EMX1: variants seen among roughly 807,000 people sequenced by gnomAD.
EMX1 encodes homeobox protein EMX1.
A neutral mutation model predicts 20.1 loss-of-function variants in EMX1; 10 were observed. The observed-to-expected ratio is 0.50, with a 90% CI of 0.31 to 0.84. EMX1 has a LOEUF of 0.84. EMX1 is among the 40% of genes least tolerant of loss of function. The pLI is 0.05. For missense variants in EMX1, 424 were observed against 431.9 expected (o/e 0.98, Z 0.16); for synonymous variants, 250 against 200.4 (o/e 1.25, Z -2.09).
chr2:72,917,881 AGGC>A lies in EMX1; in HGVS notation c.37_39del (p.Ala13del). ...TGCCTGGCTGGGTGCACACCCCGCA[AGGC>A]GGCGGCGCCAGGACGCGGAGCGCTC... On this transcript the variant is annotated inframe_deletion, in exon 1 of 3. Coordinates refer to ENST00000258106, the MANE Select transcript of EMX1 (RefSeq NM_004097.3). The A allele has an allele frequency of 1.4e-6, 2 of 1,478,458 alleles. No individual in the cohort carries two copies. Among genetic ancestry groups the A allele is most frequent in the Non-Finnish European group, 1.8e-6 (2 of 1,122,126 alleles). 91.6% of individuals were successfully genotyped at this position (1,478,458 alleles called of 1,614,324 possible).
Position 72,924,504 on chromosome 2 carries a change from C to T in EMX1, c.705+11C>T. ...CTCTCCGAGACGCAGGTAATCACCC[C>T]CGGTCGCGGCCTGCCCTGCGCCCGG... is the stretch of plus-strand genomic sequence containing the variant. On this transcript the variant is annotated intron_variant, in intron 2 of 2. Transcript: ENST00000258106. 6.4e-7 allele frequency: 1 copy of T among 1,565,798 alleles called. No individual in the cohort carries two copies. The highest frequency in any genetic ancestry group is 8.6e-7 in the Non-Finnish European group (1 of 1,160,746).
At chr2:72,929,683 G>A (rs907181596) in intron 2 of EMX1, among the ~76,000 whole-genome samples, 2 of 152,166 alleles carry the variant, frequency 1.3e-5, no homozygotes, top group Non-Finnish European at 2.9e-5. Flanking sequence ...GAAAAAGAAG[G>A]GATCCAGACC....
intron 1 of EMX1, 87 bp from the exon 2 acceptor site, chr2:72,924,222 G>C (rs774805618): frequency 2.7e-6 from 4 of 1,492,644 alleles, no homozygotes; most frequent in South Asian, 2.4e-5. Flanking sequence ...AGCAGGGCGC[G>C]AGGCCAGGCT....
In EMX1 at chr2:72,930,450, C is replaced by G. The variant is rs561324416; in HGVS notation, c.706-3337C>G. Among the ~76,000 whole-genome samples the G allele has an allele frequency of 2.6e-4, 40 of 152,222 alleles. 1 individual carries two copies. The highest frequency in any genetic ancestry group is 8.3e-4 in the South Asian group (4 of 4,818). ...AATGGAGACTTTTGGAAGGATGTGG[C>G]CTCTGAGAAACTGAGATGTTCACTT... On this transcript the variant is annotated intron_variant, in intron 2 of 2. Coordinates refer to ENST00000258106, the MANE Select transcript of EMX1 (RefSeq NM_004097.3). This position sits in a 1 kb window ranked among gnomAD's most constrained non-coding sequence, Gnocchi z 4.4.
At chr2:72,933,582 T>C in intron 2 of EMX1, 1 of 606,824 alleles carries the variant, frequency 1.6e-6, no homozygotes, top group Non-Finnish European at 2.9e-6. Context: ...GCCCACTGTG[T>C]CCTCTTCCTG....
At chr2:72,931,644 C>T (rs1191526730) in intron 2 of EMX1, among the ~76,000 whole-genome samples, 3 of 152,246 alleles carry the variant, frequency 2.0e-5, no homozygotes, top group Non-Finnish European at 4.4e-5. Flanking sequence ...AGTCCAGCAG[C>T]CTGTGCCCAG....
chr2:72,916,616 T>G, upstream of EMX1: 8 of 670,018 alleles, frequency 1.2e-5, no homozygotes, highest in Middle Eastern at 2.6e-4. Flanking sequence ...CGGTCGCGGG[T>G]GGAAGGTGAA....
In EMX1 at chr2:72,918,306, C is replaced by T; in HGVS notation, c.454C>T (p.His152Tyr). ...CCCGCACTCCTTCTTCGGCGCCCAGCACCGGGACCCTCTCCATTTCTACCC... is the reference window on the plus strand; with the variant it reads ...CCCGCACTCCTTCTTCGGCGCCCAGTACCGGGACCCTCTCCATTTCTACCC... Reference protein sequence around the residue: ...QPPHSFFGAQHRDPLHFYPWV... With the variant: ...QPPHSFFGAQYRDPLHFYPWV... Residue 152 changes from histidine (H) to tyrosine (Y), a missense_variant, in exon 1 of 3, where the codon CAC becomes TAC. This residue lies in a region of EMX1 where 333 missense variants were observed against 296.6 expected (regional missense o/e 1.12). Coordinates refer to ENST00000258106, the MANE Select transcript of EMX1 (RefSeq NM_004097.3). The T allele has an allele frequency of 6.4e-7, 1 of 1,570,300 alleles. No individual in the cohort carries two copies. The highest frequency in any genetic ancestry group is 8.6e-7 in the Non-Finnish European group (1 of 1,169,332).
chr2:72,924,320 C>T lies in EMX1; in HGVS notation c.532C>T (p.Pro178Ser), dbSNP rs1395341312. 1.3e-6 allele frequency: 2 copies of T among 1,569,072 alleles called. No homozygotes were observed. Among genetic ancestry groups the T allele is most frequent in the African/African-American group, 2.7e-5 (2 of 74,588 alleles). ...CGGCGGGGCCGCAGCCAGCGACGTG[C>T]CCCAGGACGGGCTGCTTCTGCACGG... is the stretch of plus-strand genomic sequence containing the variant. ...FGHRFQASDV[P>S]QDGLLLHGPF... Residue 178 changes from proline (P) to serine (S), a missense_variant, in exon 2 of 3, where the codon CCC (proline) becomes TCC (serine). By Grantham distance (74) the Pro-to-Ser change is moderately conservative. Transcript: ENST00000258106.
upstream of EMX1, chr2:72,917,204 A>C: frequency 1.7e-6 from 1 of 602,720 alleles, no homozygotes; most frequent in Non-Finnish European, 3.0e-6. Context: ...CGAATGGGAG[A>C]GTTAGGCTGA....
chr2:72,922,438 T>G (rs1165862597), intron 1 of EMX1, among the ~76,000 whole-genome samples: 1 of 152,050 alleles, frequency 6.6e-6, no homozygotes, highest in Non-Finnish European at 1.5e-5. Flanking sequence ...AAGTCAAACT[T>G]CTCTTCAGTC....
upstream of EMX1, chr2:72,917,089 AG>A (rs566204085): frequency 1.6e-6 from 1 of 626,650 alleles, no homozygotes; most frequent in Non-Finnish European, 2.9e-6. Flanking sequence ...CCCGGAGAGC[AG>A]GGGGGCAGAG....
intron 2 of EMX1, chr2:72,926,284 C>T (rs1671199014): frequency 1.0e-6 from 1 of 985,174 alleles, no homozygotes; most frequent in Admixed American, 6.1e-5. Context: ...CCTAACAATG[C>T]CAGTTAGTAA....
chr2:72,927,267 G>A (rs142211877), intron 2 of EMX1, among the ~76,000 whole-genome samples: 207 of 152,074 alleles, frequency 1.4e-3, no homozygotes, highest in African/African-American at 3.3e-3. Flanking sequence ...GAGCTATTTC[G>A]CAACTGACAA....
chr2:72,919,363 T>C (rs1392892585), intron 1 of EMX1, among the ~76,000 whole-genome samples: 2 of 152,030 alleles, frequency 1.3e-5, no homozygotes, highest in African/African-American at 4.8e-5. Flanking sequence ...TGTACAGGCA[T>C]CACTTTAGTT....
chr2:72,933,436 A>G lies in EMX1; in HGVS notation c.706-351A>G, dbSNP rs1465175355. 11 of 256,784 alleles carry G rather than the reference A, an allele frequency of 4.3e-5. No homozygotes were observed. The Admixed American group carries it at 4.9e-4, about 12-fold the overall frequency. 15.9% of individuals were successfully genotyped at this position (256,784 alleles called of 1,614,324 possible). On this transcript the variant is annotated intron_variant, in intron 2 of 2. Coordinates refer to ENST00000258106, the MANE Select transcript of EMX1 (RefSeq NM_004097.3). The stretch of plus-strand genomic sequence containing the variant: ...TGATCTCTCCTCTAGAAACTCGTAG[A>G]GTCCCATGTCTGCCGGCTTCCAGAG...
chr2:72,924,255 G>T (rs762528122), intron 1 of EMX1, 54 bp from the exon 2 acceptor site: 202 of 1,538,366 alleles, frequency 1.3e-4, no homozygotes, highest in Middle Eastern at 5.0e-4. Flanking sequence ...GGCTCACGGC[G>T]CCCCTTCTCT....
Position 72,919,316 on chromosome 2 carries a change from T to C in EMX1, c.520+944T>C, listed in dbSNP as rs1276919446. 3.8e-5 allele frequency among the ~76,000 whole-genome samples: 4 copies of C among 105,524 alleles called. No individual in the cohort carries two copies. The East Asian group carries it at 7.7e-4, about 20-fold the overall frequency. The allele number at this position is 105,524 out of a possible 152,430, so 69.2% of individuals were successfully genotyped here. ...GTTGGAGTTTGTTTTTTTCTTTTCT[T>C]TTTTTTTAAATTTTATTTTAAAGAG... On this transcript the variant is annotated intron_variant, in intron 1 of 2. Transcript: ENST00000258106.
intron 1 of EMX1, 96 bp from the exon 2 acceptor site, chr2:72,924,213 G>A: frequency 6.8e-7 from 1 of 1,462,008 alleles, no homozygotes. Context: ...GCGCTTGGGA[G>A]CAGGGCGCGA....
Sources: allele counts gnomAD v4.1 joint callset (sites outside exome capture counted in the v4.1 genomes callset), GRCh38; gene constraint gnomAD v4.1.1; regional missense constraint gnomAD v4.1.1; non-coding constraint Gnocchi (gnomAD v3.1); transcripts MANE v1.5; gene names NCBI Gene and HGNC (gene_info 2026-07-23, HGNC 2026-07-21).